TAMM41: variants seen among roughly 807,000 people sequenced by gnomAD.
The protein encoded by TAMM41 is TAM41 mitochondrial translocator assembly and maintenance homolog.
In TAMM41, 36 loss-of-function variants were observed where a neutral mutation model predicts 44.1. The ratio of observed to expected loss-of-function variants is 0.82; its 90% CI spans 0.63 to 1.08. TAMM41 has a LOEUF of 1.08. Among genes scored for constraint, TAMM41 ranks in the 50% least tolerant of loss-of-function variants. The pLI is 0.00. For synonymous variants in TAMM41, 164 were observed against 153.1 expected, an observed-to-expected ratio of 1.07 and a Z score of -0.53; for missense variants, 417 against 404.3, an observed-to-expected ratio of 1.03 and a Z score of -0.27.
chr3:11,738,186 C>T, the TAMM41 span, among the ~76,000 whole-genome samples: 1 of 152,128 alleles, frequency 6.6e-6, no homozygotes, highest in African/African-American at 2.4e-5. Context: ...ACCATAAATT[C>T]CTAAGAGTAC....
At chr3:11,845,074 C>G (rs910097176) in intron 1 of TAMM41, 2 of 444,186 alleles carry the variant, frequency 4.5e-6, no homozygotes, top group Non-Finnish European at 9.1e-6. Context: ...CCAGCATGTT[C>G]TGGAAGCTGC....
At chr3:11,786,379 A>G (rs938093132), downstream of TAMM41, among the ~76,000 whole-genome samples, 6 of 151,204 alleles carry the variant, frequency 4.0e-5, no homozygotes, top group African/African-American at 1.5e-4. Flanking sequence ...ATCTTGGCTC[A>G]TCGCAACCTC....
chr3:11,817,127 G>A (rs762644740), intron 5 of TAMM41, 65 bp downstream of exon 5: 3 of 1,547,336 alleles, frequency 1.9e-6, no homozygotes, highest in African/African-American at 2.7e-5. Flanking sequence ...TTCTACCCCT[G>A]ACTTTCTTCC....
chr3:11,829,134 A>AAT (rs749613242), intron 4 of TAMM41, among the ~76,000 whole-genome samples: 4 of 152,164 alleles, frequency 2.6e-5, no homozygotes, highest in South Asian at 2.1e-4. Context: ...TTAGAAAATA[A>AAT]ATATATATAT....
Position 11,803,324 on chromosome 3 carries a change from C to G in TAMM41, c.937+4509G>C, listed in dbSNP as rs189855531. 4.1e-3 allele frequency among the ~76,000 whole-genome samples: 630 copies of G among 152,100 alleles called. 1 individual carries two copies. Among genetic ancestry groups the G allele is most frequent in the Non-Finnish European group, 7.2e-3 (489 of 68,000 alleles). On this transcript the variant is annotated intron_variant, in intron 7 of 7. Coordinates refer to ENST00000455809, the MANE Select transcript of TAMM41 (RefSeq NM_001284401.2). Reference sequence around the variant, plus strand: ...GCTTGAAACCAGGAGGTGGAGGTTGCAGTGAGGTGAGATCGCGCCACTATA... The same window carrying G: ...GCTTGAAACCAGGAGGTGGAGGTTGGAGTGAGGTGAGATCGCGCCACTATA...
At chr3:11,788,789 TAGCTGGGCGTGGTGGC>T (rs1466977392), downstream of TAMM41, among the ~76,000 whole-genome samples, 4 of 151,846 alleles carry the variant, frequency 2.6e-5, no homozygotes, top group Non-Finnish European at 4.4e-5. Context: ...TAGAAAAAAT[TAGCTGGGCGTGGTGGC>T]AGCCACCTGT....
At chr3:11,807,179 A>T in intron 7 of TAMM41, 1 of 1,377,134 alleles carries the variant, frequency 7.3e-7, no homozygotes, top group Non-Finnish European at 9.3e-7. Flanking sequence ...GACACTCTCC[A>T]TGAGAGAAGA....
At chr3:11,740,967 T>C in the TAMM41 span, among the ~76,000 whole-genome samples, 19 of 138,768 alleles carry the variant, frequency 1.4e-4, no homozygotes, top group Admixed American at 2.2e-4. Context: ...ACGCCTGTAA[T>C]CCCAGCACTT....
intron 3 of TAMM41, chr3:11,833,085 C>T (rs1347070464): frequency 9.4e-6 from 12 of 1,274,076 alleles, no homozygotes; most frequent in Non-Finnish European, 1.2e-5. Flanking sequence ...GAACTTGTCT[C>T]AGCAGCACTG....
In TAMM41 at chr3:11,839,224, G is replaced by A. The variant is rs1481753874; in HGVS notation, c.409C>T (p.Pro137Ser). ...NLYIAGRLQK[P>S]VKIISVNEDV... Reference sequence around the variant, plus strand: ...TGTGCAGCCTATAAAACACTCACCGGTTTTTGGAGTCGTCCAGCAATGTAT... The same window carrying A: ...TGTGCAGCCTATAAAACACTCACCGATTTTTGGAGTCGTCCAGCAATGTAT... The change falls in exon 3 of 8, where the codon CCG (proline) becomes TCG (serine). Residue 137 changes from proline to serine, a missense_variant and splice_region_variant. By Grantham distance (74) the Pro-to-Ser change is moderately conservative. Coordinates refer to ENST00000455809, the MANE Select transcript of TAMM41 (RefSeq NM_001284401.2). 6.2e-7 allele frequency: 1 copy of A among 1,610,062 alleles called. No individual in the cohort carries two copies. The highest frequency in any genetic ancestry group is 1.3e-5 in the African/African-American group (1 of 74,796).
In TAMM41 at chr3:11,807,839, T is replaced by A; in HGVS notation, c.931A>T (p.Thr311Ser). The A allele has an allele frequency of 6.5e-7, 1 of 1,536,068 alleles. No homozygotes were observed. Among genetic ancestry groups the A allele is most frequent in the Non-Finnish European group, 8.7e-7 (1 of 1,146,904 alleles). ...GGATTTCCAAAGCTCTTACCAGCAG[T>A]AAAAATGCCTTTCGTGCTCTGTCTT... ...SIRQSTKGIFTAGLKKSVIYS... is the reference protein window; with the variant it reads ...SIRQSTKGIFSAGLKKSVIYS... The change falls in exon 7 of 8, where the codon ACT becomes TCT. Residue 311 changes from threonine to serine, a missense_variant. Thr to Ser is a moderately conservative substitution (Grantham distance 58). Transcript: ENST00000455809.
At position 11,844,170 on chromosome 3, in the gene TAMM41, GA is replaced by G. The variant is rs2079572364; in HGVS notation, c.176del (p.Val59AlafsTer8). The G allele has an allele frequency of 3.7e-6, 6 of 1,614,044 alleles. No individual in the cohort carries two copies. Among genetic ancestry groups the G allele is most frequent in the African/African-American group, 1.3e-5 (1 of 74,918 alleles). Reference protein sequence around the residue: ...LDFVFTVDDPVAWHSKNLKKN... With the variant: ...LDFVFTVDDPXAWHSKNLKKN... ...TCTTCAGGTTCTTTGAATGCCATGC[GA>G]CAGGGTCATCTACTGTGAACACAAA... On this transcript the variant is annotated frameshift_variant, in exon 2 of 8. Coordinates refer to ENST00000455809, the MANE Select transcript of TAMM41 (RefSeq NM_001284401.2). LOFTEE classifies it high-confidence loss of function.
chr3:11,807,196 T>C, intron 7 of TAMM41: 1 of 1,401,582 alleles, frequency 7.1e-7, no homozygotes, highest in Non-Finnish European at 9.2e-7. Flanking sequence ...AAGAACATTA[T>C]GCAGGGAAGG....
chr3:11,803,437 GA>G (rs2077813636), intron 7 of TAMM41, among the ~76,000 whole-genome samples: 2 of 152,168 alleles, frequency 1.3e-5, no homozygotes, highest in African/African-American at 4.8e-5. Context: ...CAGATGTGGA[GA>G]AAAGGGAATG....
the TAMM41 span, among the ~76,000 whole-genome samples, chr3:11,753,080 A>G: frequency 6.6e-6 from 1 of 152,136 alleles, no homozygotes; most frequent in Admixed American, 6.6e-5. Context: ...AAGAAAGTCA[A>G]TCAGGATGAA....
the TAMM41 span, among the ~76,000 whole-genome samples, chr3:11,765,199 G>A: frequency 6.6e-6 from 1 of 152,128 alleles, no homozygotes; most frequent in African/African-American, 2.4e-5. Flanking sequence ...ACAAACCCAT[G>A]ATCAAGTGGA....
intron 5 of TAMM41, among the ~76,000 whole-genome samples, chr3:11,812,639 G>A (rs1332286375): frequency 2.6e-5 from 4 of 152,168 alleles, no homozygotes; most frequent in African/African-American, 9.7e-5. Flanking sequence ...TTTAAGTTAC[G>A]ACTGCCACCC....
chr3:11,762,596 T>C, the TAMM41 span, among the ~76,000 whole-genome samples: 1 of 152,344 alleles, frequency 6.6e-6, no homozygotes, highest in South Asian at 2.1e-4. Flanking sequence ...ATAATTCTCT[T>C]GTCCTTTTAT....
chr3:11,774,635 T>C, the TAMM41 span, among the ~76,000 whole-genome samples: 1 of 149,966 alleles, frequency 6.7e-6, no homozygotes, highest in Non-Finnish European at 1.5e-5. Context: ...GGGTGGCTTA[T>C]AAACAACAGA....
Sources: allele counts gnomAD v4.1 joint callset (sites outside exome capture counted in the v4.1 genomes callset), GRCh38; gene constraint gnomAD v4.1.1; transcripts MANE v1.5; gene names NCBI Gene and HGNC (gene_info 2026-07-23, HGNC 2026-07-21).